Variants in COG5 observed in about 807,000 individuals in gnomAD.
COG5 encodes the protein conserved oligomeric Golgi complex subunit 5.
COG5 carries 86 observed loss-of-function variants against 110.4 expected under a neutral mutation model. The ratio of observed to expected loss-of-function variants is 0.78; its 90% CI spans 0.65 to 0.93. The LOEUF (loss-of-function observed/expected upper bound fraction) is 0.93. COG5 is among the 40% of genes least tolerant of loss of function. The pLI is 0.00. For missense variants in COG5, 1,077 were observed against 987.0 expected (o/e 1.09, Z -1.22); for synonymous variants, 360 against 334.6 (o/e 1.08, Z -0.83).
At chr7:107,538,934 T>C (rs1484826493) in intron 5 of COG5, among the ~76,000 whole-genome samples, 1 of 152,180 alleles carries the variant, frequency 6.6e-6, no homozygotes, top group Non-Finnish European at 1.5e-5. Context: ...ACCATATAAG[T>C]AAAGAAGTAC....
intron 6 of COG5, among the ~76,000 whole-genome samples, chr7:107,417,715 G>A (rs1412277705): frequency 6.6e-6 from 1 of 152,004 alleles, no homozygotes; most frequent in Non-Finnish European, 1.5e-5. Flanking sequence ...TATTACTACT[G>A]TTTTTGAATA....
chr7:107,223,642 T>A (rs191413124), intron 19 of COG5, among the ~76,000 whole-genome samples: 57 of 152,356 alleles, frequency 3.7e-4, no homozygotes, highest in African/African-American at 1.3e-3. Context: ...TTTAAAATTT[T>A]CTGATTTTCC....
chr7:107,501,575 C>G (rs1798636369), intron 6 of COG5, among the ~76,000 whole-genome samples: 1 of 152,046 alleles, frequency 6.6e-6, no homozygotes, highest in South Asian at 2.1e-4. Context: ...ATTTTTTACA[C>G]TATATGATAA....
At chr7:107,314,811 C>T (rs1157594861) in intron 11 of COG5, among the ~76,000 whole-genome samples, 1 of 152,114 alleles carries the variant, frequency 6.6e-6, no homozygotes, top group African/African-American at 2.4e-5. Flanking sequence ...CAGAAAATGA[C>T]ATGATCAAAT....
At chr7:107,418,584 C>T in intron 6 of COG5, among the ~76,000 whole-genome samples, 1 of 136,242 alleles carries the variant, frequency 7.3e-6, no homozygotes, top group Non-Finnish European at 1.6e-5. Context: ...CACACACAGA[C>T]ACATAAACAC....
intron 7 of COG5, among the ~76,000 whole-genome samples, chr7:107,400,799 G>C (rs574209565): frequency 6.6e-6 from 1 of 152,058 alleles, no homozygotes; most frequent in Non-Finnish European, 1.5e-5. Context: ...CACAACAAGA[G>C]AATTTGTCAA....
intron 6 of COG5, among the ~76,000 whole-genome samples, chr7:107,434,493 T>C (rs1052128539): frequency 6.6e-6 from 1 of 152,196 alleles, no homozygotes; most frequent in African/African-American, 2.4e-5. Flanking sequence ...TGTACACTGC[T>C]TGGACGATGA....
At chr7:107,318,630 C>G (rs1259083114) in intron 11 of COG5, among the ~76,000 whole-genome samples, 1 of 152,134 alleles carries the variant, frequency 6.6e-6, no homozygotes, top group African/African-American at 2.4e-5. Flanking sequence ...AGTTTCTCTT[C>G]CTGACTTGCT....
At chr7:107,423,640 T>C (rs1233636220) in intron 6 of COG5, among the ~76,000 whole-genome samples, 2 of 146,308 alleles carry the variant, frequency 1.4e-5, no homozygotes, top group Non-Finnish European at 3.0e-5. Flanking sequence ...ATTACCTTAA[T>C]ACAAAAACCA....
intron 21 of COG5, among the ~76,000 whole-genome samples, chr7:107,204,595 T>C (rs557724659): frequency 6.6e-6 from 1 of 152,344 alleles, no homozygotes; most frequent in East Asian, 1.9e-4. Flanking sequence ...TCACATACGA[T>C]AGCACTTAAG....
intron 19 of COG5, among the ~76,000 whole-genome samples, chr7:107,229,153 T>C (rs1020009205): frequency 1.3e-5 from 2 of 152,186 alleles, no homozygotes; most frequent in Middle Eastern, 3.4e-3. Context: ...CCTTTTTAAA[T>C]GAAAATATCT....
chr7:107,201,524 C>A lies in COG5; in HGVS notation c.*1992G>T, dbSNP rs1412138039. On this transcript the variant is annotated 3_prime_UTR_variant, in exon 22 of 22. Coordinates refer to ENST00000297135, the MANE Select transcript of COG5 (RefSeq NM_006348.5). ...AGATCAAGGTCTCACCATTTGTCCT[C>A]AATTCGTGTGACCATAAGATACTGA... 2.8e-6 allele frequency: 2 copies of A among 719,122 alleles called. No homozygotes were observed. The highest frequency in any genetic ancestry group is 1.8e-5 in the African/African-American group (1 of 56,056). The allele number at this position is 719,122 out of a possible 1,614,324, so 44.5% of individuals were successfully genotyped here. A position where few individuals can be genotyped will look rare whatever the true frequency, so the allele number is the denominator to read the frequency against.
intron 7 of COG5, among the ~76,000 whole-genome samples, chr7:107,387,900 T>C (rs561068274): frequency 6.6e-6 from 1 of 152,390 alleles, no homozygotes; most frequent in South Asian, 2.1e-4. Context: ...CCACCCTGTG[T>C]GCTCTTTTTC....
chr7:107,522,278 G>A (rs1441002861), intron 6 of COG5, among the ~76,000 whole-genome samples: 1 of 152,228 alleles, frequency 6.6e-6, no homozygotes, highest in South Asian at 2.1e-4. Context: ...AGATCAGCCT[G>A]ACCAACATGG....
At chr7:107,303,382 A>T (rs1229283285) in intron 11 of COG5, among the ~76,000 whole-genome samples, 1 of 152,106 alleles carries the variant, frequency 6.6e-6, no homozygotes, top group Admixed American at 6.6e-5. Context: ...TAAAGCTTAC[A>T]AACAAGTATT....
chr7:107,289,557 T>C (rs1036179173), intron 12 of COG5, among the ~76,000 whole-genome samples: 2 of 152,218 alleles, frequency 1.3e-5, no homozygotes, highest in African/African-American at 2.4e-5. Flanking sequence ...CTGATAGTGA[T>C]AGTTACTGTA....
At chr7:107,221,120 T>C (rs1799892504) in intron 19 of COG5, among the ~76,000 whole-genome samples, 1 of 152,080 alleles carries the variant, frequency 6.6e-6, no homozygotes. Context: ...CCTGGCTTCA[T>C]GCCCTCACTT....
At chr7:107,429,049 G>A (rs965715434) in intron 6 of COG5, among the ~76,000 whole-genome samples, 1 of 152,094 alleles carries the variant, frequency 6.6e-6, no homozygotes, top group Admixed American at 6.5e-5. Flanking sequence ...CTTGTCTGCT[G>A]TTTAAAAAAA....
At chr7:107,428,176 A>G (rs889892762) in intron 6 of COG5, among the ~76,000 whole-genome samples, 1 of 152,206 alleles carries the variant, frequency 6.6e-6, no homozygotes, top group African/African-American at 2.4e-5. Flanking sequence ...GCGGATTTAT[A>G]TAAGACTTGT....
Sources: allele counts gnomAD v4.1 joint callset (sites outside exome capture counted in the v4.1 genomes callset), GRCh38; gene constraint gnomAD v4.1.1; transcripts MANE v1.5; gene names NCBI Gene and HGNC (gene_info 2026-07-23, HGNC 2026-07-21).